Variants in PRKG2 observed in about 807,000 individuals in gnomAD.
The protein encoded by PRKG2 is cGMP-dependent protein kinase 2.
In PRKG2, 33 loss-of-function variants were observed where a neutral mutation model predicts 97.2. The observed-to-expected ratio is 0.34, with a 90% CI of 0.26 to 0.45. The LOEUF (loss-of-function observed/expected upper bound fraction) is 0.45. PRKG2 is among the 20% of genes least tolerant of loss of function. The pLI is 1.00. For missense variants in PRKG2, 638 were observed against 900.0 expected (o/e 0.71, Z 3.73); for synonymous variants, 330 against 321.8 (o/e 1.03, Z -0.27).
chr4:81,131,517 T>A (rs1226675974), intron 14 of PRKG2, among the ~76,000 whole-genome samples: 1 of 152,220 alleles, frequency 6.6e-6, no homozygotes. Flanking sequence ...CTTTACATAT[T>A]CTAGATACAA....
intron 2 of PRKG2, among the ~76,000 whole-genome samples, chr4:81,201,642 T>C (rs1001608019): frequency 1.3e-5 from 2 of 152,154 alleles, no homozygotes; most frequent in Non-Finnish European, 2.9e-5. Context: ...TAAGCACAGG[T>C]ACCTTAGCAA....
At chr4:81,137,644 C>T (rs796927521) in intron 12 of PRKG2, among the ~76,000 whole-genome samples, 162 bp from the exon 13 acceptor site, 7 of 152,276 alleles carry the variant, frequency 4.6e-5, no homozygotes, top group African/African-American at 1.7e-4. Flanking sequence ...TCTTTGATTT[C>T]CCCACTGCCT....
intron 1 of PRKG2, among the ~76,000 whole-genome samples, chr4:81,205,916 G>C (rs1293690944): frequency 1.3e-5 from 2 of 151,966 alleles, no homozygotes; most frequent in African/African-American, 4.8e-5. Context: ...GGGTTATAAG[G>C]GATGATTTAG....
intron 2 of PRKG2, among the ~76,000 whole-genome samples, chr4:81,192,601 T>C (rs1483862284): frequency 6.6e-6 from 1 of 152,210 alleles, no homozygotes; most frequent in Non-Finnish European, 1.5e-5. Flanking sequence ...CATCTATGAA[T>C]AGGCATAGTA....
intron 2 of PRKG2, among the ~76,000 whole-genome samples, chr4:81,198,082 T>C (rs1753073299): frequency 6.6e-6 from 1 of 152,186 alleles, no homozygotes; most frequent in South Asian, 2.1e-4. Context: ...AACAGTGAGC[T>C]CTTAGACCTT....
chr4:81,217,526 T>C (rs1008139433), upstream of PRKG2, among the ~76,000 whole-genome samples: 1 of 152,304 alleles, frequency 6.6e-6, no homozygotes, highest in African/African-American at 2.4e-5. Context: ...AGCTTTTAAT[T>C]CAGTCTTTCA....
At chr4:81,165,768 C>G (rs958947983) in intron 6 of PRKG2, among the ~76,000 whole-genome samples, 48 of 152,200 alleles carry the variant, frequency 3.2e-4, no homozygotes, top group African/African-American at 1.1e-3. Flanking sequence ...GAGCCCCCAT[C>G]TATATATTCT....
At chr4:81,158,201 C>A (rs1053191709) in intron 6 of PRKG2, among the ~76,000 whole-genome samples, 4 of 147,832 alleles carry the variant, frequency 2.7e-5, no homozygotes, top group Non-Finnish European at 4.4e-5. Context: ...AGCCCAAAAT[C>A]TCCTTAAGCT....
At chr4:81,158,058 T>C (rs1280658265) in intron 6 of PRKG2, among the ~76,000 whole-genome samples, 9 of 148,976 alleles carry the variant, frequency 6.0e-5, no homozygotes, top group Non-Finnish European at 1.5e-5. Flanking sequence ...CTATTCAACA[T>C]AGTGTTGGAA....
At chr4:81,111,003 G>T (rs1341945361) in intron 14 of PRKG2, among the ~76,000 whole-genome samples, 1 of 151,974 alleles carries the variant, frequency 6.6e-6, no homozygotes, top group Non-Finnish European at 1.5e-5. Context: ...TATTTGGGAA[G>T]AAGAGACAAG....
intron 2 of PRKG2, among the ~76,000 whole-genome samples, chr4:81,186,968 T>C (rs920723979): frequency 2.0e-5 from 3 of 151,146 alleles, no homozygotes; most frequent in African/African-American, 4.9e-5. Context: ...AGTTCAGAAA[T>C]TGAGGCAGTA....
intron 16 of PRKG2, 52 bp downstream of exon 16, chr4:81,105,761 C>T (rs1386358231): frequency 1.5e-5 from 24 of 1,582,354 alleles, no homozygotes; most frequent in Admixed American, 1.8e-5. Context: ...AAACAGAAAC[C>T]GAAGCCTTTA....
chr4:81,175,069 T>C (rs1370528827), intron 2 of PRKG2, 110 bp from the exon 3 acceptor site: 4 of 1,093,278 alleles, frequency 3.7e-6, no homozygotes, highest in Non-Finnish European at 5.0e-6. Context: ...CTTATAACTT[T>C]CTAGCAAGAA....
upstream of PRKG2, among the ~76,000 whole-genome samples, chr4:81,217,172 G>C (rs963772999): frequency 6.6e-6 from 1 of 151,442 alleles, no homozygotes; most frequent in African/African-American, 2.4e-5. Context: ...ACATTTCATT[G>C]AGTCCTGGGC....
Position 81,089,375 on chromosome 4 carries a change from C to T in PRKG2, c.*333G>A, listed in dbSNP as rs891966590. 3 of 187,372 alleles carry T rather than the reference C, an allele frequency of 1.6e-5. No individual in the cohort carries two copies. The highest frequency in any genetic ancestry group is 3.3e-5 in the Non-Finnish European group (3 of 91,976). 11.6% of individuals were successfully genotyped at this position (187,372 alleles called of 1,614,324 possible). A position where few individuals can be genotyped will look rare whatever the true frequency, so the allele number is the denominator to read the frequency against. ...TTTTTAAACGTTAGTAGTACTCAAA[C>T]GAGAAGGATATGATTGGAATGGAAC... On this transcript the variant is annotated 3_prime_UTR_variant, in exon 19 of 19. Transcript: ENST00000264399.
chr4:81,135,436 A>T, intron 13 of PRKG2, 140 bp from the exon 14 acceptor site: 1 of 784,846 alleles, frequency 1.3e-6, no homozygotes, highest in Non-Finnish European at 1.9e-6. Flanking sequence ...TGTATTTTAT[A>T]CTACCCATGA....
intron 2 of PRKG2, among the ~76,000 whole-genome samples, chr4:81,177,593 T>A (rs888564347): frequency 6.6e-6 from 1 of 151,802 alleles, no homozygotes; most frequent in Non-Finnish European, 1.5e-5. Context: ...GTCCCAGCTG[T>A]GGAGGCTGAG....
chr4:81,205,790 T>C (rs1448240000), intron 1 of PRKG2, among the ~76,000 whole-genome samples: 1 of 152,158 alleles, frequency 6.6e-6, no homozygotes, highest in African/African-American at 2.4e-5. Context: ...CCTCCTAACA[T>C]TGGTGTAGTG....
At chr4:81,156,013 T>G (rs201967506) in intron 6 of PRKG2, among the ~76,000 whole-genome samples, 1 of 148,630 alleles carries the variant, frequency 6.7e-6, no homozygotes, top group East Asian at 2.0e-4. Flanking sequence ...AGGAAGAAAC[T>G]GTATCAACTA....
Sources: gnomAD v4.1 joint callset for allele counts (sites outside exome capture counted in the v4.1 genomes callset) on GRCh38, gnomAD v4.1.1 for gene constraint, MANE v1.5 for transcripts, NCBI Gene and HGNC (gene_info 2026-07-23, HGNC 2026-07-21) for gene names.